RCOR1: variants seen among roughly 807,000 people sequenced by gnomAD.
The protein encoded by RCOR1 is REST corepressor 1, also known as REST corepressor.
In RCOR1, 12 loss-of-function variants were observed where a neutral mutation model predicts 64.0. That is an observed-to-expected ratio of 0.19 (90% CI 0.12 to 0.30). The LOEUF is 0.30. Among genes scored for constraint, RCOR1 ranks in the 10% least tolerant of loss-of-function variants. RCOR1 has a pLI of 1.00. For synonymous variants in RCOR1, 279 were observed against 227.2 expected, an observed-to-expected ratio of 1.23 and a Z score of -2.05; for missense variants, 502 against 621.2, an observed-to-expected ratio of 0.81 and a Z score of 2.04.
At chr14:102,693,139 T>C (rs1345318053) in intron 3 of RCOR1, among the ~76,000 whole-genome samples, 6 of 152,208 alleles carry the variant, frequency 3.9e-5, no homozygotes, top group Admixed American at 3.9e-4. Flanking sequence ...CAGGAATTTA[T>C]AATGTCCTCT....
chr14:102,676,617 C>T (rs1262798066), intron 2 of RCOR1, among the ~76,000 whole-genome samples: 2 of 90,098 alleles, frequency 2.2e-5, no homozygotes, highest in Non-Finnish European at 2.3e-5. Flanking sequence ...GACGGGGCGG[C>T]TGGCCAGGTG....
intron 2 of RCOR1, among the ~76,000 whole-genome samples, chr14:102,644,157 T>G (rs567052657): frequency 1.3e-5 from 2 of 152,336 alleles, no homozygotes; most frequent in Admixed American, 1.3e-4. Flanking sequence ...GCTTTCTTCC[T>G]GGTGTCTCAG....
chr14:102,645,362 TA>T (rs1402587768), intron 2 of RCOR1, among the ~76,000 whole-genome samples: 3 of 152,246 alleles, frequency 2.0e-5, no homozygotes, highest in Non-Finnish European at 4.4e-5. Flanking sequence ...TTTCTTTTTT[TA>T]AAATTCTGCC....
At position 102,634,069 on chromosome 14, in the gene RCOR1, CTTG is replaced by C. The variant is rs904283261; in HGVS notation, c.361+40747_361+40749del. ...TCTGTCTTTCCTGAAACATGTTACT[CTTG>C]TTCAGTGCTTGGAAAAAGGATGTGG... On this transcript the variant is annotated intron_variant, in intron 2 of 11. Transcript: ENST00000262241. Among the ~76,000 whole-genome samples the C allele has an allele frequency of 1.8e-4, 28 of 152,014 alleles. 1 individual carries two copies. Among genetic ancestry groups the C allele is most frequent in the African/African-American group, 6.5e-4 (27 of 41,354 alleles).
rs945305174 is a variant in RCOR1 at position 102,681,832 on chromosome 14, T to C, written c.362-63T>C. ...TGGGTGATGTCATTAAAAGGTATTG[T>C]TACTTATAGCTTATTATATGTGTTA... is the stretch of plus-strand genomic sequence containing the variant. On this transcript the variant is annotated intron_variant, in intron 2 of 11. Coordinates refer to ENST00000262241, the MANE Select transcript of RCOR1 (RefSeq NM_015156.4). The C allele has an allele frequency of 5.8e-5, 69 of 1,192,244 alleles. No homozygotes were observed. The African/African-American group carries it at 1.0e-3, about 17-fold the overall frequency. The allele number at this position is 1,192,244 out of a possible 1,614,324, so 73.9% of individuals were successfully genotyped here.
chr14:102,712,608 C>T (rs952704062), intron 7 of RCOR1, among the ~76,000 whole-genome samples: 1 of 150,980 alleles, frequency 6.6e-6, no homozygotes, highest in African/African-American at 2.4e-5. Context: ...TTCATTAGAA[C>T]CGATTCCTGG....
intron 3 of RCOR1, among the ~76,000 whole-genome samples, chr14:102,682,434 G>C (rs1336670485): frequency 6.6e-6 from 1 of 152,170 alleles, no homozygotes; most frequent in African/African-American, 2.4e-5. Context: ...CCTGTGATCT[G>C]TTCCATTTTT....
chr14:102,707,400 C>G lies in RCOR1; in HGVS notation c.548C>G (p.Ala183Gly), dbSNP rs1895878180. ...AAACATAATATCGAAAAGTCATTGGCTGATTTGCCCAACTTTACCCCTTTC... is the reference window on the plus strand; with the variant it reads ...AAACATAATATCGAAAAGTCATTGGGTGATTTGCCCAACTTTACCCCTTTC... Reference protein sequence around the residue: ...WHKHNIEKSLADLPNFTPFPD... With the variant: ...WHKHNIEKSLGDLPNFTPFPD... The change falls in exon 5 of 12, where the codon GCT (alanine) becomes GGT (glycine). Residue 183 changes from alanine to glycine, a missense_variant. Around this residue, in one of 2 missense-constraint regions of RCOR1, gnomAD observed 260 missense variants for 416.4 expected, o/e 0.62. Transcript: ENST00000262241. 1 of 1,613,236 alleles carries G rather than the reference C, an allele frequency of 6.2e-7. No homozygotes were observed. The highest frequency in any genetic ancestry group is 1.3e-5 in the African/African-American group (1 of 74,970).
At chr14:102,616,893 AG>A (rs1893772788) in intron 2 of RCOR1, among the ~76,000 whole-genome samples, 1 of 152,156 alleles carries the variant, frequency 6.6e-6, no homozygotes, top group African/African-American at 2.4e-5. Context: ...CCCTCCTTGG[AG>A]GTTGAGGTGG....
At chr14:102,600,319 C>T (rs1893363580) in intron 2 of RCOR1, among the ~76,000 whole-genome samples, 2 of 151,926 alleles carry the variant, frequency 1.3e-5, no homozygotes, top group Admixed American at 1.3e-4. Context: ...TCGTGATCCG[C>T]CCACCTCGGC....
At chr14:102,597,876 G>C (rs933969430) in intron 2 of RCOR1, among the ~76,000 whole-genome samples, 1 of 151,342 alleles carries the variant, frequency 6.6e-6, no homozygotes, top group East Asian at 1.9e-4. Flanking sequence ...GGGTGCAATG[G>C]CATGATCTCG....
chr14:102,677,266 C>G (rs1440777993), intron 2 of RCOR1, among the ~76,000 whole-genome samples: 6 of 119,812 alleles, frequency 5.0e-5, no homozygotes, highest in Non-Finnish European at 3.5e-5. Flanking sequence ...GGGCTCCTCA[C>G]TTCCCAGTCG....
chr14:102,686,864 A>G (rs921412629), intron 3 of RCOR1, among the ~76,000 whole-genome samples: 2 of 152,224 alleles, frequency 1.3e-5, no homozygotes, highest in African/African-American at 4.8e-5. Flanking sequence ...CATTACAAAC[A>G]GACTGATGTC....
At chr14:102,628,621 A>G (rs911272177) in intron 2 of RCOR1, among the ~76,000 whole-genome samples, 1 of 151,896 alleles carries the variant, frequency 6.6e-6, no homozygotes, top group African/African-American at 2.4e-5. Context: ...GGAAAGCCCA[A>G]TACCTGAACT....
At chr14:102,671,082 T>G (rs1386764241) in intron 2 of RCOR1, among the ~76,000 whole-genome samples, 1 of 152,132 alleles carries the variant, frequency 6.6e-6, no homozygotes, top group African/African-American at 2.4e-5. Flanking sequence ...CCCTATCTTA[T>G]AATTATTGAT....
chr14:102,707,303 T>C (rs1895876679), intron 4 of RCOR1, 48 bp from the exon 5 acceptor site: 1 of 1,497,194 alleles, frequency 6.7e-7, no homozygotes. Flanking sequence ...ATTTCCATTT[T>C]CATTGTTTTT....
At chr14:102,598,612 T>C (rs1178651919) in intron 2 of RCOR1, among the ~76,000 whole-genome samples, 1 of 151,968 alleles carries the variant, frequency 6.6e-6, no homozygotes, top group Non-Finnish European at 1.5e-5. Context: ...CACGCCCGGC[T>C]AATTTTTTTG....
intron 2 of RCOR1, among the ~76,000 whole-genome samples, chr14:102,676,559 C>T (rs1595224933): frequency 5.7e-5 from 4 of 69,630 alleles, no homozygotes; most frequent in East Asian, 6.9e-4. Context: ...AGAGGGGCTC[C>T]TCACTTCCCA....
Position 102,593,391 on chromosome 14 carries a change from G to T in RCOR1, c.361+66G>T, listed in dbSNP as rs1211228950. 9 of 1,415,804 alleles carry T rather than the reference G, an allele frequency of 6.4e-6. No individual in the cohort carries two copies. The East Asian group carries it at 2.3e-4, about 37-fold the overall frequency. The allele number at this position is 1,415,804 out of a possible 1,614,324, so 87.7% of individuals were successfully genotyped here. On this transcript the variant is annotated intron_variant, in intron 2 of 11. Transcript: ENST00000262241. The stretch of plus-strand genomic sequence containing the variant: ...GGAGCCCCGGGTCCCCGGCGAGCCC[G>T]AGGGGGCGGGAGCCCGCCGACAACT...
Sources: allele counts gnomAD v4.1 joint callset (sites outside exome capture counted in the v4.1 genomes callset), GRCh38; gene constraint gnomAD v4.1.1; regional missense constraint gnomAD v4.1.1; transcripts MANE v1.5; gene names NCBI Gene and HGNC (gene_info 2026-07-23, HGNC 2026-07-21).